SEMA3A: variants seen among roughly 807,000 people sequenced by gnomAD.
SEMA3A encodes semaphorin-3A.
A neutral mutation model predicts 97.9 loss-of-function variants in SEMA3A; 29 were observed. That is an observed-to-expected ratio of 0.30 (90% CI 0.22 to 0.40). The LOEUF is 0.40. SEMA3A is among the 10% of genes least tolerant of loss of function. The pLI, the probability that SEMA3A is intolerant of heterozygous loss-of-function variation, is 1.00. For synonymous variants in SEMA3A, 321 were observed against 323.7 expected (o/e 0.99, Z 0.09); for missense variants, 763 against 951.3 (o/e 0.80, Z 2.60).
At chr7:84,448,716 C>T (rs2116359741) in intron 1 of SEMA3A, among the ~76,000 whole-genome samples, 1 of 151,374 alleles carries the variant, frequency 6.6e-6, no homozygotes, top group Non-Finnish European at 1.5e-5. Flanking sequence ...GACTTAATAA[C>T]GTTAATATGT....
chr7:84,091,622 A>G (rs12707611), intron 4 of SEMA3A, among the ~76,000 whole-genome samples: 2 of 151,930 alleles, frequency 1.3e-5, no homozygotes, highest in East Asian at 1.9e-4. Flanking sequence ...GTAAAACAAT[A>G]TAATTAAACT....
At chr7:84,125,472 T>C (rs1198809592) in intron 3 of SEMA3A, among the ~76,000 whole-genome samples, 1 of 152,204 alleles carries the variant, frequency 6.6e-6, no homozygotes, top group Non-Finnish European at 1.5e-5. Flanking sequence ...CTGGCCAACA[T>C]GGCAAAACCC....
intron 6 of SEMA3A, 75 bp from the exon 7 acceptor site, chr7:84,014,426 CTTT>C (rs1285742716): frequency 8.9e-7 from 1 of 1,118,096 alleles, no homozygotes; most frequent in Non-Finnish European, 1.3e-6. Flanking sequence ...TCCATTTTTA[CTTT>C]TTTTAACTCT....
At chr7:84,405,371 A>G (rs569443077) in intron 1 of SEMA3A, among the ~76,000 whole-genome samples, 34 of 152,348 alleles carry the variant, frequency 2.2e-4, no homozygotes, top group African/African-American at 7.5e-4. Flanking sequence ...TGCACCCAAT[A>G]CATTAACACC....
intron 1 of SEMA3A, among the ~76,000 whole-genome samples, chr7:84,448,694 T>C (rs1341192027): frequency 1.3e-5 from 2 of 152,060 alleles, no homozygotes; most frequent in African/African-American, 4.8e-5. Context: ...AATTTAATTT[T>C]CATGATTGGA....
intron 3 of SEMA3A, among the ~76,000 whole-genome samples, chr7:84,243,753 T>G (rs565660869): frequency 2.0e-5 from 3 of 152,316 alleles, no homozygotes; most frequent in Non-Finnish European, 4.4e-5. Flanking sequence ...TAAATTTCCC[T>G]CTAAACACTG....
At chr7:84,066,630 GACAA>G (rs1221882068) in intron 4 of SEMA3A, among the ~76,000 whole-genome samples, 1 of 149,436 alleles carries the variant, frequency 6.7e-6, no homozygotes, top group East Asian at 1.9e-4. Flanking sequence ...ATCATCAACA[GACAA>G]ACAGAGAGCC....
intron 1 of SEMA3A, among the ~76,000 whole-genome samples, chr7:84,151,243 T>C (rs923370142): frequency 6.6e-6 from 1 of 152,080 alleles, no homozygotes; most frequent in Non-Finnish European, 1.5e-5. Context: ...GGATGGAGAA[T>C]GACTTTGACG....
chr7:84,069,122 T>C (rs1054545670), intron 4 of SEMA3A, among the ~76,000 whole-genome samples: 7 of 152,068 alleles, frequency 4.6e-5, no homozygotes, highest in African/African-American at 1.7e-4. Flanking sequence ...GATTTTTGGA[T>C]AGAGAGATAA....
chr7:84,492,001 A>G (rs1806746553), intron 1 of SEMA3A, among the ~76,000 whole-genome samples: 1 of 152,150 alleles, frequency 6.6e-6, no homozygotes, highest in Admixed American at 6.6e-5. Flanking sequence ...GGCAAAAATT[A>G]TACGCAAATT....
At chr7:84,399,281 T>G (rs1017322124) in intron 1 of SEMA3A, among the ~76,000 whole-genome samples, 1 of 152,148 alleles carries the variant, frequency 6.6e-6, no homozygotes, top group African/African-American at 2.4e-5. Flanking sequence ...GCAGAAGGAA[T>G]GTGAGTCCCA....
chr7:84,247,741 T>C (rs772280617), intron 3 of SEMA3A, among the ~76,000 whole-genome samples: 14 of 152,178 alleles, frequency 9.2e-5, no homozygotes, highest in Non-Finnish European at 1.9e-4. Flanking sequence ...CTTACCCCAG[T>C]GAACACTCAC....
At chr7:84,170,044 G>A (rs1760877380) in intron 1 of SEMA3A, among the ~76,000 whole-genome samples, 1 of 151,690 alleles carries the variant, frequency 6.6e-6, no homozygotes, top group Non-Finnish European at 1.5e-5. Context: ...GAAAGGAAAT[G>A]ACAAATATTA....
chr7:84,080,239 T>G, intron 4 of SEMA3A, among the ~76,000 whole-genome samples: 2 of 144,682 alleles, frequency 1.4e-5, no homozygotes, highest in African/African-American at 2.6e-5. Flanking sequence ...CATTAGGAGA[T>G]ATCCCTAATG....
intron 1 of SEMA3A, among the ~76,000 whole-genome samples, chr7:84,460,477 T>C (rs1805803115): frequency 6.6e-6 from 1 of 152,132 alleles, no homozygotes; most frequent in East Asian, 1.9e-4. Flanking sequence ...ACTTAAAGGT[T>C]ATTATGTATC....
intron 6 of SEMA3A, among the ~76,000 whole-genome samples, chr7:84,029,147 A>G (rs1388992899): frequency 6.6e-6 from 1 of 152,226 alleles, no homozygotes; most frequent in Non-Finnish European, 1.5e-5. Context: ...CAAAATTTAT[A>G]TAACTTTTTT....
chr7:84,008,424 G>A (rs1417991803), intron 9 of SEMA3A, among the ~76,000 whole-genome samples: 1 of 149,036 alleles, frequency 6.7e-6, no homozygotes, highest in East Asian at 2.0e-4. Context: ...CGGCGAGGTA[G>A]AGCTTGCAGT....
At chr7:84,294,884 T>C (rs1800831253) in intron 3 of SEMA3A, among the ~76,000 whole-genome samples, 1 of 152,076 alleles carries the variant, frequency 6.6e-6, no homozygotes, top group Non-Finnish European at 1.5e-5. Context: ...GAAATCTTTT[T>C]CCTAACCTTC....
rs557876556 is a variant in SEMA3A, at chr7:83,968,114, G to A, written c.1718-4767C>T. Among the ~76,000 whole-genome samples the A allele has an allele frequency of 2.6e-5, 4 of 152,232 alleles. No individual in the cohort carries two copies. The South Asian group carries it at 8.3e-4, about 32-fold the overall frequency. ...CAGAGAGTATAATATTTAATTCATG[G>A]TTATCCAATATAAACAAAAACTCAA... is the stretch of plus-strand genomic sequence containing the variant. On this transcript the variant is annotated intron_variant, in intron 15 of 16. Transcript: ENST00000265362.
Sources: gnomAD v4.1 joint callset for allele counts (sites outside exome capture counted in the v4.1 genomes callset) on GRCh38, gnomAD v4.1.1 for gene constraint, MANE v1.5 for transcripts, NCBI Gene and HGNC (gene_info 2026-07-23, HGNC 2026-07-21) for gene names.